The following SLC35F3 variants were observed in gnomAD, a reference collection of about 807,000 sequenced individuals.
SLC35F3 encodes the protein solute carrier family 35 member F3.
A neutral mutation model predicts 49.9 loss-of-function variants in SLC35F3; 25 were observed. The observed-to-expected ratio is 0.50, with a 90% CI of 0.37 to 0.70. The LOEUF (loss-of-function observed/expected upper bound fraction) is 0.70. SLC35F3 is among the 30% of genes least tolerant of loss of function. The pLI is 0.00. For missense variants in SLC35F3, 525 were observed against 639.8 expected (o/e 0.82, Z 1.94); for synonymous variants, 275 against 265.4 (o/e 1.04, Z -0.35).
chr1:234,321,063 C>T (rs1211798366), intron 7 of SLC35F3, among the ~76,000 whole-genome samples: 1 of 143,554 alleles, frequency 7.0e-6, no homozygotes, highest in Non-Finnish European at 1.5e-5. Context: ...AAAGGAATGG[C>T]AAACCCTTAT....
At chr1:234,085,561 A>G (rs1558225257) in intron 2 of SLC35F3, among the ~76,000 whole-genome samples, 1 of 152,100 alleles carries the variant, frequency 6.6e-6, no homozygotes, top group Admixed American at 6.6e-5. Context: ...TTGAGATGTA[A>G]TTTGTATTGG....
chr1:234,002,678 C>G (rs984051255), intron 2 of SLC35F3, among the ~76,000 whole-genome samples: 7 of 152,118 alleles, frequency 4.6e-5, no homozygotes, highest in African/African-American at 1.2e-4. Context: ...ACTCTTTGCT[C>G]CACTCCTTCA....
At chr1:234,212,271 G>A (rs1173511747) in intron 2 of SLC35F3, among the ~76,000 whole-genome samples, 1 of 152,240 alleles carries the variant, frequency 6.6e-6, no homozygotes, top group African/African-American at 2.4e-5. Context: ...AGAGGCCAAT[G>A]TGAAGTGCTG....
chr1:234,194,372 A>C (rs1666773477), intron 2 of SLC35F3, among the ~76,000 whole-genome samples: 1 of 152,212 alleles, frequency 6.6e-6, no homozygotes. Context: ...GCATGTTCTC[A>C]CTCATAAGTG....
At chr1:234,275,334 CAAA>C (rs1018623772) in intron 3 of SLC35F3, among the ~76,000 whole-genome samples, 3 of 143,478 alleles carry the variant, frequency 2.1e-5, no homozygotes, top group African/African-American at 7.7e-5. Context: ...CCCAAAATCC[CAAA>C]AAAAAAAAAA....
intron 3 of SLC35F3, among the ~76,000 whole-genome samples, chr1:234,281,944 C>T (rs564347655): frequency 2.6e-5 from 4 of 152,286 alleles, no homozygotes; most frequent in African/African-American, 9.6e-5. Context: ...GAGCAAGGAG[C>T]ACGCAATGGC....
chr1:234,139,131 A>G (rs1665851417), intron 2 of SLC35F3, among the ~76,000 whole-genome samples: 1 of 152,062 alleles, frequency 6.6e-6, no homozygotes, highest in Admixed American at 6.6e-5. Context: ...GAGGAAGACA[A>G]CCTCTTTATG....
chr1:234,157,141 A>C (rs1460138470), intron 2 of SLC35F3, among the ~76,000 whole-genome samples: 2 of 152,184 alleles, frequency 1.3e-5, no homozygotes, highest in African/African-American at 4.8e-5. Context: ...ATAAAACTGT[A>C]ATTTTTAAGA....
intron 2 of SLC35F3, among the ~76,000 whole-genome samples, chr1:234,124,927 T>C (rs775598248): frequency 3.3e-5 from 5 of 152,224 alleles, no homozygotes; most frequent in Admixed American, 6.5e-5. Context: ...CACGCATGTG[T>C]CCATGCATGC....
chr1:234,256,061 T>C (rs917314593), intron 3 of SLC35F3, among the ~76,000 whole-genome samples: 1 of 152,142 alleles, frequency 6.6e-6, no homozygotes, highest in Non-Finnish European at 1.5e-5. Flanking sequence ...CTCCCTCTAG[T>C]TTCTGCTCAT....
intron 2 of SLC35F3, among the ~76,000 whole-genome samples, chr1:234,128,118 G>A (rs1665676264): frequency 6.6e-6 from 1 of 152,170 alleles, no homozygotes. Context: ...CAGGCATTAA[G>A]ACCATAAGGA....
At chr1:233,969,262 G>A (rs1364065371) in intron 2 of SLC35F3, among the ~76,000 whole-genome samples, 6 of 152,170 alleles carry the variant, frequency 3.9e-5, no homozygotes, top group Non-Finnish European at 2.9e-5. Context: ...GATCTAAAGG[G>A]GCTATAGGAA....
At chr1:234,311,278 G>C (rs1288946610) in intron 4 of SLC35F3, among the ~76,000 whole-genome samples, 1 of 152,234 alleles carries the variant, frequency 6.6e-6, no homozygotes, top group Admixed American at 6.5e-5. Context: ...ATGTGCCAAA[G>C]GGACTGAGAG....
At position 234,213,947 on chromosome 1, in the gene SLC35F3, T is replaced by A. The variant is rs563936390; in HGVS notation, c.284-17470T>A. 9.1e-5 allele frequency: 14 copies of A among 153,698 alleles called. No homozygotes were observed. In the South Asian group the frequency reaches 2.9e-3, roughly 32 times the overall value. The allele number at this position is 153,698 out of a possible 1,614,324, so 9.5% of individuals were successfully genotyped here. A position where few individuals can be genotyped will look rare whatever the true frequency, so the allele number is the denominator to read the frequency against. On this transcript the variant is annotated intron_variant, in intron 2 of 7. Transcript: ENST00000366618. ...CTCTCCCTGTGAAATAATTCAGGACTTCCGCACACTGAAGAGTCAACTCTC... is the reference window on the plus strand; with the variant it reads ...CTCTCCCTGTGAAATAATTCAGGACATCCGCACACTGAAGAGTCAACTCTC...
At chr1:233,989,319 CTTTT>C (rs1663317866) in intron 2 of SLC35F3, among the ~76,000 whole-genome samples, 1 of 152,124 alleles carries the variant, frequency 6.6e-6, no homozygotes, top group Non-Finnish European at 1.5e-5. Flanking sequence ...TCTATGAAAA[CTTTT>C]TTGTTTCATA....
At position 234,320,277 on chromosome 1, in the gene SLC35F3, C is replaced by T; in HGVS notation, c.1237+90C>T. ...ACATACACACACTCATGCATACATA[C>T]ACACTCACACATACACTCACATACA... is the stretch of plus-strand genomic sequence containing the variant. On this transcript the variant is annotated intron_variant, in intron 7 of 7. Transcript: ENST00000366618. This position sits in a 1 kb window ranked among gnomAD's most constrained non-coding sequence, Gnocchi z 4.8. The T allele has an allele frequency of 1.2e-6, 1 of 860,638 alleles. No homozygotes were observed. Among genetic ancestry groups the T allele is most frequent in the South Asian group, 1.4e-5 (1 of 73,364 alleles). 53.3% of individuals were successfully genotyped at this position (860,638 alleles called of 1,614,324 possible).
At chr1:234,001,077 C>T (rs904446692) in intron 2 of SLC35F3, among the ~76,000 whole-genome samples, 15 of 152,190 alleles carry the variant, frequency 9.9e-5, no homozygotes, top group Admixed American at 5.9e-4. Flanking sequence ...TGGCCTGTAA[C>T]GTGCAGCCAC....
intron 2 of SLC35F3, among the ~76,000 whole-genome samples, chr1:234,115,896 A>G (rs1665478688): frequency 6.6e-6 from 1 of 152,218 alleles, no homozygotes; most frequent in African/African-American, 2.4e-5. Context: ...AGAAACCTGC[A>G]GGAACAATCT....
At chr1:233,963,503 A>G (rs558795937) in intron 2 of SLC35F3, among the ~76,000 whole-genome samples, 1 of 151,790 alleles carries the variant, frequency 6.6e-6, no homozygotes, top group Non-Finnish European at 1.5e-5. Context: ...GGGTTTCACC[A>G]TGTTAGCCAG....
Sources: allele counts gnomAD v4.1 joint callset (sites outside exome capture counted in the v4.1 genomes callset), GRCh38; gene constraint gnomAD v4.1.1; non-coding constraint Gnocchi (gnomAD v3.1); transcripts MANE v1.5; gene names NCBI Gene and HGNC (gene_info 2026-07-23, HGNC 2026-07-21).